The following CNTN5 variants were observed in gnomAD, a reference collection of about 807,000 sequenced individuals.
The protein encoded by CNTN5 is contactin 5.
CNTN5 carries 77 observed loss-of-function variants against 129.1 expected under a neutral mutation model. The ratio of observed to expected loss-of-function variants is 0.60; its 90% CI spans 0.50 to 0.72. CNTN5 has a LOEUF of 0.72. CNTN5 is among the 30% of genes least tolerant of loss of function. The pLI, the probability that CNTN5 is intolerant of heterozygous loss-of-function variation, is 0.00. For missense variants in CNTN5, 1,478 were observed against 1,328.8 expected, an observed-to-expected ratio of 1.11 and a Z score of -1.75; for synonymous variants, 509 against 465.6, an observed-to-expected ratio of 1.09 and a Z score of -1.20.
At chr11:99,560,422 G>T (rs1250453426) in intron 3 of CNTN5, among the ~76,000 whole-genome samples, 1 of 151,884 alleles carries the variant, frequency 6.6e-6, no homozygotes. Flanking sequence ...CTCCCGAGTA[G>T]CTGGGATTAC....
At chr11:99,470,124 A>G (rs1448318752) in intron 2 of CNTN5, among the ~76,000 whole-genome samples, 1 of 152,124 alleles carries the variant, frequency 6.6e-6, no homozygotes, top group Non-Finnish European at 1.5e-5. Context: ...AGTTCGTTAG[A>G]GTTTGTGAGG....
intron 1 of CNTN5, among the ~76,000 whole-genome samples, chr11:99,090,734 A>AC (rs1200722802): frequency 6.6e-6 from 1 of 151,262 alleles, no homozygotes; most frequent in East Asian, 1.9e-4. Context: ...AAAAAAAAAA[A>AC]AAAAACGGCC....
At chr11:100,014,856 C>T (rs975020147) in intron 9 of CNTN5, among the ~76,000 whole-genome samples, 2 of 152,230 alleles carry the variant, frequency 1.3e-5, no homozygotes, top group African/African-American at 4.8e-5. Context: ...TGGTCCACAG[C>T]ATGTGGGATC....
At chr11:99,857,716 A>C in intron 6 of CNTN5, among the ~76,000 whole-genome samples, 1 of 152,134 alleles carries the variant, frequency 6.6e-6, no homozygotes, top group South Asian at 2.1e-4. Context: ...CCCCCGAAAA[A>C]TATAGGAAAG....
At chr11:99,910,724 A>G (rs1000369091) in intron 6 of CNTN5, among the ~76,000 whole-genome samples, 6 of 152,104 alleles carry the variant, frequency 3.9e-5, no homozygotes, top group Admixed American at 3.9e-4. Flanking sequence ...TAGAGTAGGT[A>G]TGTTAGTAGC....
chr11:99,987,671 A>C (rs1938780071), intron 8 of CNTN5, among the ~76,000 whole-genome samples: 1 of 151,978 alleles, frequency 6.6e-6, no homozygotes, highest in South Asian at 2.1e-4. Flanking sequence ...AACTTAATTG[A>C]CTACAAAATT....
chr11:99,053,489 T>C (rs143592625), intron 1 of CNTN5, among the ~76,000 whole-genome samples: 1,822 of 152,078 alleles, frequency 0.012, 36 homozygotes, highest in African/African-American at 0.042. Flanking sequence ...TGAGGTTTCT[T>C]GGAACATATG....
chr11:100,191,694 G>T (rs1043531516), intron 14 of CNTN5, among the ~76,000 whole-genome samples: 1 of 151,968 alleles, frequency 6.6e-6, no homozygotes, highest in Non-Finnish European at 1.5e-5. Flanking sequence ...ATAGGACTTC[G>T]CATTAGATAA....
chr11:99,951,964 C>A (rs1950687402), intron 7 of CNTN5, among the ~76,000 whole-genome samples: 3 of 152,130 alleles, frequency 2.0e-5, no homozygotes, highest in East Asian at 1.9e-4. Flanking sequence ...ATTTATGGAG[C>A]AACTACACAC....
At chr11:99,857,817 A>G (rs1948086356) in intron 6 of CNTN5, among the ~76,000 whole-genome samples, 1 of 152,242 alleles carries the variant, frequency 6.6e-6, no homozygotes, top group South Asian at 2.1e-4. Context: ...TAGTTCTATA[A>G]TTCTAGCAAT....
chr11:99,877,501 G>A (rs557850920), intron 6 of CNTN5, among the ~76,000 whole-genome samples: 4 of 151,984 alleles, frequency 2.6e-5, no homozygotes, highest in African/African-American at 9.7e-5. Context: ...TCTTTCTATG[G>A]ATCCCACAGC....
chr11:100,226,605 C>T (rs1949380910), intron 16 of CNTN5, among the ~76,000 whole-genome samples: 1 of 152,166 alleles, frequency 6.6e-6, no homozygotes. Flanking sequence ...ATGTAACATT[C>T]AGCCCAAGCT....
Position 99,556,138 on chromosome 11 carries a change from C to A in CNTN5, c.-70-7C>A. The A allele has an allele frequency of 2.5e-6, 2 of 791,238 alleles. No individual in the cohort carries two copies. The highest frequency in any genetic ancestry group is 4.7e-5 in the South Asian group (2 of 42,346). 49.0% of individuals were successfully genotyped at this position (791,238 alleles called of 1,614,324 possible). A position where few individuals can be genotyped will look rare whatever the true frequency, so the allele number is the denominator to read the frequency against. ...TGTTTAAGAAAATTGTTATCTATCT[C>A]AAACAGGGCACTCTTTAATGAAGAA... On this transcript the variant is annotated splice_region_variant and splice_polypyrimidine_tract_variant and intron_variant, in intron 2 of 24. Coordinates refer to ENST00000524871, the MANE Select transcript of CNTN5 (RefSeq NM_014361.4).
chr11:99,842,975 A>G (rs893446708), intron 4 of CNTN5, among the ~76,000 whole-genome samples: 1 of 152,214 alleles, frequency 6.6e-6, no homozygotes, highest in Non-Finnish European at 1.5e-5. Flanking sequence ...TCACTTCTGC[A>G]TTCCCAGCAC....
At chr11:99,543,832 A>G (rs1948192751) in intron 2 of CNTN5, among the ~76,000 whole-genome samples, 1 of 145,774 alleles carries the variant, frequency 6.9e-6, no homozygotes, top group Admixed American at 7.1e-5. Context: ...GTGGCAGGAG[A>G]ATTGCTTGAA....
At chr11:100,104,581 AT>A (rs1945352691) in intron 13 of CNTN5, among the ~76,000 whole-genome samples, 1 of 152,190 alleles carries the variant, frequency 6.6e-6, no homozygotes, top group South Asian at 2.1e-4. Context: ...ATAATAAAAT[AT>A]TAACAAAAGT....
At chr11:99,246,489 C>T (rs1861822410) in intron 1 of CNTN5, among the ~76,000 whole-genome samples, 1 of 152,098 alleles carries the variant, frequency 6.6e-6, no homozygotes, top group Non-Finnish European at 1.5e-5. Context: ...AATAGAATTT[C>T]AGCGCAAGTT....
At chr11:99,716,199 G>T (rs985954266) in intron 3 of CNTN5, among the ~76,000 whole-genome samples, 3 of 151,780 alleles carry the variant, frequency 2.0e-5, no homozygotes, top group Non-Finnish European at 2.9e-5. Context: ...GTATCCCTTT[G>T]AACCCCTTAA....
rs139038705 is a variant in CNTN5 at position 99,600,796 on chromosome 11, A to G, written c.55+44527A>G. ...ACCTTTACATATTAAAGGAGAAAAT[A>G]TTCTGTTTACCATGGAAATGAAAAA... is the stretch of plus-strand genomic sequence containing the variant. On this transcript the variant is annotated intron_variant, in intron 3 of 24. Transcript: ENST00000524871. Among the ~76,000 whole-genome samples the G allele has an allele frequency of 2.1e-3, 322 of 152,282 alleles. 1 individual carries two copies. The highest frequency in any genetic ancestry group is 7.4e-3 in the African/African-American group (308 of 41,558).
Sources: gnomAD v4.1 joint callset for allele counts (sites outside exome capture counted in the v4.1 genomes callset) on GRCh38, gnomAD v4.1.1 for gene constraint, MANE v1.5 for transcripts, NCBI Gene and HGNC (gene_info 2026-07-23, HGNC 2026-07-21) for gene names.